MYO7B: variants seen among roughly 807,000 people sequenced by gnomAD.
The protein encoded by MYO7B is unconventional myosin-VIIb.
MYO7B carries 212 observed loss-of-function variants against 259.7 expected under a neutral mutation model. That is an observed-to-expected ratio of 0.82 (90% confidence interval 0.73 to 0.91). The LOEUF (loss-of-function observed/expected upper bound fraction) is 0.91, where lower values mean the gene tolerates loss of function less well. Ranked by LOEUF, MYO7B falls within the 40% of genes least tolerant of loss-of-function variation. The pLI is 0.00. For missense variants in MYO7B, 2,732 were observed against 2,813.5 expected, an observed-to-expected ratio of 0.97 and a Z score of 0.66; for synonymous variants, 1,197 against 1,166.4, an observed-to-expected ratio of 1.03 and a Z score of -0.54.
rs374671034 is a variant in MYO7B, at chr2:127,548,153, TCTC to T, written c.-23-11543_-23-11541del. Among the ~76,000 whole-genome samples the T allele has an allele frequency of 5.3e-5, 8 of 152,328 alleles. No homozygotes were observed. The East Asian group carries it at 1.5e-3, about 29-fold the overall frequency. ...TAATGTCCGTGGGATCAGAGTGATG[TCTC>T]CTCTTTCATTTCCAATAGTAGTTAA... On this transcript the variant is annotated intron_variant, in intron 1 of 47. Transcript: ENST00000409816.
rs1681269418 is a variant in MYO7B, at chr2:127,628,395, T to A, written c.4484T>A (p.Leu1495Gln). Residue 1495 changes from leucine to glutamine, a missense_variant, in exon 34 of 48, where the codon CTG becomes CAG. Coordinates refer to ENST00000409816, the MANE Select transcript of MYO7B (RefSeq NM_001393586.1). The surrounding 1 kb of genome is among the most constrained non-coding windows in gnomAD (Gnocchi z 4.8). The part of the protein sequence containing the change: ...TNREAQGGQR[L>Q]LLSTMHEEYE... ...AGGGAGGCCCAGGGCGGGCAGAGGC[T>A]GCTGCTCTCCACGATGCATGAGGAG... 1 of 1,601,564 alleles carries A rather than the reference T, an allele frequency of 6.2e-7. No individual in the cohort carries two copies. Among genetic ancestry groups the A allele is most frequent in the Non-Finnish European group, 8.5e-7 (1 of 1,176,074 alleles).
At chr2:127,564,011 G>A (rs1573625412) in intron 2 of MYO7B, 142 bp from the exon 3 acceptor site, 1 of 586,206 alleles carries the variant, frequency 1.7e-6, no homozygotes, top group East Asian at 3.0e-5. Context: ...GATGGGAGAG[G>A]GGAGGAGAGG....
In MYO7B at chr2:127,637,037, C is replaced by A. The variant is rs145170925; in HGVS notation, c.6327+124C>A. Reference sequence around the variant, plus strand: ...GCTCAGTCACAGGGCCCAGGCGGGGCCAGCAGATCTGGAGAGGGCCTGGGT... The same window carrying A: ...GCTCAGTCACAGGGCCCAGGCGGGGACAGCAGATCTGGAGAGGGCCTGGGT... On this transcript the variant is annotated intron_variant, in intron 47 of 47. Transcript: ENST00000409816. 4.2e-4 allele frequency: 616 copies of A among 1,482,954 alleles called. 6 individuals carry two copies. In the South Asian group the frequency reaches 6.8e-3, roughly 16 times the overall value. The allele number at this position is 1,482,954 out of a possible 1,614,324, so 91.9% of individuals were successfully genotyped here.
chr2:127,625,391 G>C lies in MYO7B; in HGVS notation c.4071G>C (p.Leu1357=). The C allele has an allele frequency of 6.3e-7, 1 of 1,598,202 alleles. No individual in the cohort carries two copies. Reference sequence around the variant, plus strand: ...AGGAGGAAGAGCTGGTTGAGCTGCTGGCCCGGCACTGCTACGTGCAGCTCG... The same window carrying C: ...AGGAGGAAGAGCTGGTTGAGCTGCTCGCCCGGCACTGCTACGTGCAGCTCG... ...FEKEEELVEL[L]ARHCYVQLGA... Residue 1357 remains leucine (L), a synonymous_variant, in exon 31 of 48, where the codon CTG becomes CTC. Coordinates refer to ENST00000409816, the MANE Select transcript of MYO7B (RefSeq NM_001393586.1).
chr2:127,622,540 G>A (rs759277745), intron 28 of MYO7B, among the ~76,000 whole-genome samples: 1 of 152,200 alleles, frequency 6.6e-6, no homozygotes, highest in Non-Finnish European at 1.5e-5. Flanking sequence ...TTCTCAGGAA[G>A]GGTCATTCAG....
intron 31 of MYO7B, 104 bp from the exon 32 acceptor site, chr2:127,626,871 G>A (rs1033822231): frequency 9.2e-7 from 1 of 1,083,924 alleles, no homozygotes; most frequent in African/African-American, 1.6e-5. Flanking sequence ...TGGCCTTGTA[G>A]AGCCTTCTCA....
rs1203663657 is a variant in MYO7B at position 127,611,331 on chromosome 2, G to A, written c.3193-919G>A. 2.6e-5 allele frequency among the ~76,000 whole-genome samples: 4 copies of A among 152,210 alleles called. No individual in the cohort carries two copies. The highest frequency in any genetic ancestry group is 5.9e-5 in the Non-Finnish European group (4 of 68,036). On this transcript the variant is annotated intron_variant, in intron 24 of 47. Coordinates refer to ENST00000409816, the MANE Select transcript of MYO7B (RefSeq NM_001393586.1). This position sits in a 1 kb window ranked among gnomAD's most constrained non-coding sequence, Gnocchi z 5.4. ...AGGAATTTCAGGACGCAGGGATCAC[G>A]GGGGCCATGTTGGAGGCTGGCAGCC...
At chr2:127,625,615 T>C in intron 31 of MYO7B, 80 bp downstream of exon 31, 2 of 1,375,108 alleles carry the variant, frequency 1.5e-6, no homozygotes, top group Non-Finnish European at 1.9e-6. Context: ...ACAGAGGAGA[T>C]GGATTCCCTC....
intron 1 of MYO7B, among the ~76,000 whole-genome samples, chr2:127,536,261 C>T (rs896143353): frequency 1.3e-5 from 2 of 152,206 alleles, no homozygotes; most frequent in African/African-American, 2.4e-5. Flanking sequence ...ACTGCGTCCT[C>T]GCAACACAGT....
rs1381742921 is a variant in MYO7B, at chr2:127,628,213, AGACCCACAGT to A, written c.4461-157_4461-148del. The A allele has an allele frequency of 5.7e-6, 5 of 873,014 alleles. No homozygotes were observed. The Admixed American group carries it at 1.0e-4, about 17-fold the overall frequency. The allele number at this position is 873,014 out of a possible 1,614,324, so 54.1% of individuals were successfully genotyped here. On this transcript the variant is annotated intron_variant, in intron 33 of 47. Coordinates refer to ENST00000409816, the MANE Select transcript of MYO7B (RefSeq NM_001393586.1). The surrounding 1 kb of genome is among the most constrained non-coding windows in gnomAD (Gnocchi z 4.8). ...GTGCTCCGCCGTCCTTCATTTGTCCAGACCCACAGTGGTGTCTGGCCTAGTCCTGGCCCTG... is the reference window on the plus strand; with the variant it reads ...GTGCTCCGCCGTCCTTCATTTGTCCAGGTGTCTGGCCTAGTCCTGGCCCTG...
intron 31 of MYO7B, 187 bp from the exon 32 acceptor site, chr2:127,626,788 A>G (rs1012386947): frequency 1.7e-6 from 1 of 576,806 alleles, no homozygotes; most frequent in Non-Finnish European, 3.1e-6. Context: ...CAAAAAAGAA[A>G]AAAAAAGGAT....
chr2:127,542,664 T>G (rs12619773), intron 1 of MYO7B, among the ~76,000 whole-genome samples: 17,276 of 152,134 alleles, frequency 0.11, 1,302 homozygotes, highest in South Asian at 0.29. Flanking sequence ...AGAGACAAAG[T>G]ATAGAGAAAG....
rs141825167 is a variant in MYO7B, at chr2:127,624,519, C to T, written c.4047+199C>T. Among the ~76,000 whole-genome samples the T allele has an allele frequency of 7.4e-3, 1,134 of 152,344 alleles. 9 individuals are homozygous for T. Among genetic ancestry groups the T allele is most frequent in the Non-Finnish European group, 0.011 (770 of 68,026 alleles). On this transcript the variant is annotated intron_variant, in intron 30 of 47. Transcript: ENST00000409816. ...CAGGTATGTCCAAGCCTCCGGGGTC[C>T]GTGGTTCTGGCAGCAGGTCCCAGAG... is the stretch of plus-strand genomic sequence containing the variant.
intron 6 of MYO7B, 41 bp downstream of exon 6, chr2:127,569,951 C>G (rs770876659): frequency 1.7e-5 from 27 of 1,585,684 alleles, no homozygotes; most frequent in Admixed American, 5.2e-5. Context: ...CCCCAGCCCC[C>G]CTGGAGCCTT....
chr2:127,549,606 T>C (rs1693370882), intron 1 of MYO7B, among the ~76,000 whole-genome samples: 2 of 152,188 alleles, frequency 1.3e-5, no homozygotes, highest in South Asian at 4.1e-4. Flanking sequence ...AGATAAAGAA[T>C]GCAGGGGCAG....
chr2:127,634,256 G>A lies in MYO7B; in HGVS notation c.5592G>A (p.Glu1864=). The change falls in exon 41 of 48, where the codon GAG becomes GAA. Residue 1864 remains glutamate, a synonymous_variant. Coordinates refer to ENST00000409816, the MANE Select transcript of MYO7B (RefSeq NM_001393586.1). The stretch of plus-strand genomic sequence containing the variant: ...CCAGGCTGCAGCTGGCCTCCTGGGA[G>A]GGCTGCAGCCTCTTCATCAAGATTT... ...IATRLQLASW[E]GCSLFIKISD... is the part of the protein sequence containing the mutation. The A allele has an allele frequency of 6.3e-7, 1 of 1,592,850 alleles. No individual in the cohort carries two copies. Among genetic ancestry groups the A allele is most frequent in the African/African-American group, 1.4e-5 (1 of 73,794 alleles).
Position 127,582,000 on chromosome 2 carries a change from C to A in MYO7B, c.1190C>A (p.Ala397Asp), listed in dbSNP as rs748231054. ...NIAQAADRRDAFVKGIYGHLF... is the reference protein window; with the variant it reads ...NIAQAADRRDDFVKGIYGHLF... ...GCCCAGGCTGCTGACCGGAGGGACG[C>A]CTTTGTCAAGGTACAGAGCTGAGAG... is the stretch of plus-strand genomic sequence containing the variant. Residue 397 changes from alanine (A) to aspartate (D), a missense_variant, in exon 11 of 48, where the codon GCC becomes GAC. Coordinates refer to ENST00000409816, the MANE Select transcript of MYO7B (RefSeq NM_001393586.1). The A allele has an allele frequency of 6.2e-7, 1 of 1,613,720 alleles. No homozygotes were observed. Among genetic ancestry groups the A allele is most frequent in the African/African-American group, 1.3e-5 (1 of 74,936 alleles).
At chr2:127,625,597 C>T (rs1681069601) in intron 31 of MYO7B, 62 bp downstream of exon 31, 2 of 1,479,774 alleles carry the variant, frequency 1.4e-6, no homozygotes, top group Non-Finnish European at 1.8e-6. Context: ...TGGGGGGGCT[C>T]ATGGTATACA....
At chr2:127,540,194 C>T (rs1436410846) in intron 1 of MYO7B, among the ~76,000 whole-genome samples, 6 of 149,580 alleles carry the variant, frequency 4.0e-5, no homozygotes, top group Admixed American at 1.3e-4. Flanking sequence ...GATGGAGTCT[C>T]GCCCTGTCAC....
Sources: allele counts gnomAD v4.1 joint callset (sites outside exome capture counted in the v4.1 genomes callset), GRCh38; gene constraint gnomAD v4.1.1; non-coding constraint Gnocchi (gnomAD v3.1); transcripts MANE v1.5; gene names NCBI Gene and HGNC (gene_info 2026-07-23, HGNC 2026-07-21).